Variants in TNRC6B observed in about 807,000 individuals in gnomAD.
The protein encoded by TNRC6B is trinucleotide repeat-containing gene 6B protein.
Under a neutral mutation model 203.6 loss-of-function variants are expected in TNRC6B, and 52 were observed. The observed-to-expected ratio is 0.26, with a 90% CI of 0.20 to 0.32. The LOEUF is 0.32. Ranked by LOEUF, TNRC6B falls within the 10% of genes least tolerant of loss-of-function variation. The pLI is 1.00. For synonymous variants in TNRC6B, 838 were observed against 845.7 expected (o/e 0.99, Z 0.16); for missense variants, 1,923 against 2,286.2 (o/e 0.84, Z 3.24).
chr22:40,316,038 T>G lies in TNRC6B; in HGVS notation c.4974+26T>G, dbSNP rs1463513686. ...GTAATTATGCTTTCTCGCAGTTTTC[T>G]AGATAGGACTTGATTGTATTAAGAG... On this transcript the variant is annotated intron_variant, in intron 21 of 22. Transcript: ENST00000454349. 11 of 1,599,178 alleles carry G rather than the reference T, an allele frequency of 6.9e-6. No individual in the cohort carries two copies. The Admixed American group carries it at 1.7e-4, about 24-fold the overall frequency.
At chr22:40,254,614 G>A (rs763750609) in intron 3 of TNRC6B, among the ~76,000 whole-genome samples, 5 of 152,214 alleles carry the variant, frequency 3.3e-5, no homozygotes, top group Admixed American at 6.5e-5. Flanking sequence ...TAGGCCGAGC[G>A]CGGTGGCTCA....
intron 12 of TNRC6B, among the ~76,000 whole-genome samples, chr22:40,294,926 T>C (rs1431008371): frequency 1.3e-5 from 2 of 152,250 alleles, no homozygotes; most frequent in Non-Finnish European, 2.9e-5. Context: ...GCTCACTTGG[T>C]GCTCACGTGT....
chr22:40,320,261 C>T (rs1601522047), intron 21 of TNRC6B, among the ~76,000 whole-genome samples: 1 of 152,294 alleles, frequency 6.6e-6, no homozygotes, highest in East Asian at 1.9e-4. Context: ...GCGAGTGGAT[C>T]ACAAGGTCAG....
At chr22:40,234,013 G>A (rs1457197949) in intron 1 of TNRC6B, among the ~76,000 whole-genome samples, 1 of 152,194 alleles carries the variant, frequency 6.6e-6, no homozygotes, top group Non-Finnish European at 1.5e-5. Flanking sequence ...CAGGCCGAGT[G>A]CGGTGCTCAC....
intron 12 of TNRC6B, among the ~76,000 whole-genome samples, chr22:40,296,232 G>A (rs1027634657): frequency 6.6e-6 from 1 of 151,732 alleles, no homozygotes; most frequent in South Asian, 2.1e-4. Context: ...TAAGTTCTAT[G>A]ATAAAATAAA....
intron 1 of TNRC6B, among the ~76,000 whole-genome samples, chr22:40,209,980 T>C (rs1408393744): frequency 1.3e-5 from 2 of 148,608 alleles, no homozygotes; most frequent in African/African-American, 5.0e-5. Flanking sequence ...ATTGCATCGC[T>C]GCACTCTAGC....
intron 16 of TNRC6B, among the ~76,000 whole-genome samples, chr22:40,309,432 C>A (rs1031840910): frequency 4.6e-5 from 7 of 152,382 alleles, no homozygotes; most frequent in African/African-American, 1.7e-4. Flanking sequence ...TTATAAACCA[C>A]TCTTTAATAA....
intron 1 of TNRC6B, among the ~76,000 whole-genome samples, chr22:40,225,657 C>T (rs976068992): frequency 2.1e-5 from 3 of 142,932 alleles, no homozygotes; most frequent in South Asian, 2.3e-4. Context: ...GCAGGAGAAT[C>T]GCTTGAACTT....
rs1158191971 is a variant in TNRC6B, at chr22:40,074,487, TAAAG to T, written c.-121+29493_-121+29496del. Among the ~76,000 whole-genome samples the T allele has an allele frequency of 7.3e-5, 11 of 151,392 alleles. No individual in the cohort carries two copies. In the South Asian group the frequency reaches 2.1e-3, roughly 29 times the overall value. On this transcript the variant is annotated intron_variant, in intron 1 of 23. Coordinates refer to the TNRC6B transcript ENST00000301923. ...TATGAGACTTTATCTCTATAAAAAA[TAAAG>T]AAAATGGCTGGGCGCGGTGGCTCAC...
chr22:40,243,452 A>G (rs2070059788), intron 1 of TNRC6B, among the ~76,000 whole-genome samples: 1 of 152,094 alleles, frequency 6.6e-6, no homozygotes, highest in Admixed American at 6.5e-5. Flanking sequence ...TTAGAAATGA[A>G]TTTACTTCTA....
At chr22:40,127,899 A>G (rs2068508262) in intron 3 of TNRC6B, among the ~76,000 whole-genome samples, 2 of 152,178 alleles carry the variant, frequency 1.3e-5, no homozygotes, top group African/African-American at 4.8e-5. Flanking sequence ...ATTTCTGGCT[A>G]GTACATTTTC....
chr22:40,064,101 A>G (rs1336581892), intron 1 of TNRC6B, among the ~76,000 whole-genome samples: 3 of 152,204 alleles, frequency 2.0e-5, no homozygotes, highest in Non-Finnish European at 4.4e-5. Context: ...TTAATCTTGT[A>G]TCCTGAAAAC....
intron 1 of TNRC6B, among the ~76,000 whole-genome samples, chr22:40,099,998 A>G (rs2068220854): frequency 6.6e-6 from 1 of 151,876 alleles, no homozygotes; most frequent in African/African-American, 2.4e-5. Flanking sequence ...TGATCCGCCC[A>G]CCTCGGCCTC....
intron 1 of TNRC6B, among the ~76,000 whole-genome samples, chr22:40,196,821 A>T (rs192850673): frequency 6.6e-6 from 1 of 152,184 alleles, no homozygotes; most frequent in African/African-American, 2.4e-5. Flanking sequence ...GAGTTTTTCC[A>T]TAAGGCTCTG....
intron 4 of TNRC6B, among the ~76,000 whole-genome samples, chr22:40,164,194 C>G (rs1248062382): frequency 6.7e-6 from 1 of 149,864 alleles, no homozygotes. Context: ...CCAGCCTGAC[C>G]AGCATGGTGA....
intron 1 of TNRC6B, among the ~76,000 whole-genome samples, chr22:40,076,503 A>G (rs145272537): frequency 4.6e-5 from 7 of 152,298 alleles, no homozygotes; most frequent in Non-Finnish European, 8.8e-5. Context: ...TTTTAGATAG[A>G]CAGTTTCTAT....
intron 3 of TNRC6B, among the ~76,000 whole-genome samples, chr22:40,153,644 T>A (rs1441511626): frequency 1.3e-5 from 2 of 151,836 alleles, no homozygotes; most frequent in East Asian, 3.9e-4. Flanking sequence ...ATTATAGCAT[T>A]CCATATGATT....
At chr22:40,229,466 T>C (rs562665035) in intron 1 of TNRC6B, among the ~76,000 whole-genome samples, 5 of 152,160 alleles carry the variant, frequency 3.3e-5, no homozygotes, top group Admixed American at 6.5e-5. Context: ...TTCTCTCTCT[T>C]CTTTGTTTTT....
chr22:40,312,743 A>G (rs1032389050), intron 18 of TNRC6B, 92 bp downstream of exon 18: 55 of 1,512,672 alleles, frequency 3.6e-5, no homozygotes, highest in Non-Finnish European at 4.8e-5. Flanking sequence ...GGTACCTAAA[A>G]GTTTAACCAA....
Sources: allele counts gnomAD v4.1 joint callset (sites outside exome capture counted in the v4.1 genomes callset), GRCh38; gene constraint gnomAD v4.1.1; transcripts MANE v1.5; gene names NCBI Gene and HGNC (gene_info 2026-07-23, HGNC 2026-07-21).